EPS8: variants seen among roughly 807,000 people sequenced by gnomAD.
EPS8 encodes the protein EGFR pathway substrate 8, signaling adaptor, also known as epidermal growth factor receptor kinase substrate 8.
In EPS8, 42 loss-of-function variants were observed where a neutral mutation model predicts 103.8. The observed-to-expected ratio is 0.40, with a 90% CI of 0.32 to 0.52. The LOEUF is 0.52. Ranked by LOEUF, EPS8 falls within the 20% of genes least tolerant of loss-of-function variation. The pLI is 0.40. For synonymous variants in EPS8, 344 were observed against 344.6 expected (o/e 1.00, Z 0.02); for missense variants, 969 against 1,005.1 (o/e 0.96, Z 0.49).
chr12:15,758,011 C>T (rs958687258), intron 1 of EPS8, among the ~76,000 whole-genome samples: 1 of 152,166 alleles, frequency 6.6e-6, no homozygotes, highest in African/African-American at 2.4e-5. Context: ...AGCTTGAGAC[C>T]TTAGCTGGAG....
Position 15,631,327 on chromosome 12 carries a change from A to G in EPS8, c.2044+115T>C. 22 of 1,437,968 alleles carry G rather than the reference A, an allele frequency of 1.5e-5. No individual in the cohort carries two copies. In the South Asian group the frequency reaches 2.8e-4, roughly 18 times the overall value. 89.1% of individuals were successfully genotyped at this position (1,437,968 alleles called of 1,614,324 possible). ...AGGTGAAAATCTTTGCAATCTATTA[A>G]GTACCATGCAAGTATAAAGGACTTT... On this transcript the variant is annotated intron_variant, in intron 18 of 20. Transcript: ENST00000281172.
chr12:15,647,179 G>C lies in EPS8; in HGVS notation c.1516C>G (p.Gln506Glu). 1 of 1,613,934 alleles carries C rather than the reference G, an allele frequency of 6.2e-7. No individual in the cohort carries two copies. Among genetic ancestry groups the C allele is most frequent in the African/African-American group, 1.3e-5 (1 of 75,038 alleles). Reference protein sequence around the residue: ...NIYTRGSHLDQGEAAVAFKPT... With the variant: ...NIYTRGSHLDEGEAAVAFKPT... ...TTAAAAGCAACAGCAGCTTCCCCTT[G>C]GTCCAGGTGGGATCCTCTTGTGTAA... Residue 506 changes from glutamine to glutamate, a missense_variant, in exon 15 of 21, where the codon CAA becomes GAA. Coordinates refer to ENST00000281172, the MANE Select transcript of EPS8 (RefSeq NM_004447.6).
At chr12:15,647,401 A>T in intron 14 of EPS8, 141 bp from the exon 15 acceptor site, 1 of 676,016 alleles carries the variant, frequency 1.5e-6, no homozygotes, top group Non-Finnish European at 2.4e-6. Context: ...CACATTATCA[A>T]ATGGGAGTGA....
intron 17 of EPS8, among the ~76,000 whole-genome samples, chr12:15,637,301 G>A (rs571392342): frequency 1.4e-4 from 21 of 152,354 alleles, no homozygotes; most frequent in African/African-American, 3.1e-4. Context: ...GATTACAGGC[G>A]TGAGCCATTG....
Position 15,669,440 on chromosome 12 carries a change from C to T in EPS8, c.463G>A (p.Glu155Lys). Residue 155 changes from glutamate to lysine, a missense_variant, in exon 6 of 21, where the codon GAG (glutamate) becomes AAG (lysine). Transcript: ENST00000281172. ...AGATCTGGCTTGTTCTGGGTTGGCT[C>T]TTTGCACACCAGTGCAAGAACTGAA... is the stretch of plus-strand genomic sequence containing the variant. ...YDSVLALVCKEPTQNKPDLHL... is the reference protein window; with the variant it reads ...YDSVLALVCKKPTQNKPDLHL... 1 of 1,614,002 alleles carries T rather than the reference C, an allele frequency of 6.2e-7. No homozygotes were observed. The highest frequency in any genetic ancestry group is 8.5e-7 in the Non-Finnish European group (1 of 1,179,910).
Position 15,650,818 on chromosome 12 carries a change from A to C in EPS8, c.1434+5T>G, listed in dbSNP as rs767042509. On this transcript the variant is annotated splice_donor_5th_base_variant and intron_variant, in intron 14 of 20. Coordinates refer to ENST00000281172, the MANE Select transcript of EPS8 (RefSeq NM_004447.6). Reference sequence around the variant, plus strand: ...TACAGAGGGCAATGTTAAAAAAAAAACTACCTCTGTGGATAATCTTTTTAT... The same window carrying C: ...TACAGAGGGCAATGTTAAAAAAAAACCTACCTCTGTGGATAATCTTTTTAT... 1.8e-5 allele frequency: 29 copies of C among 1,611,400 alleles called. No homozygotes were observed. The highest frequency in any genetic ancestry group is 2.5e-5 in the Non-Finnish European group (29 of 1,178,562).
At chr12:15,636,506 C>T (rs949293971) in intron 17 of EPS8, among the ~76,000 whole-genome samples, 1 of 152,154 alleles carries the variant, frequency 6.6e-6, no homozygotes, top group Non-Finnish European at 1.5e-5. Flanking sequence ...CACCAGGTGG[C>T]AATTCAACAC....
At position 15,695,649 on chromosome 12, in the gene EPS8, G is replaced by C. The variant is rs1946232853; in HGVS notation, c.-21-12677C>G. Reference sequence around the variant, plus strand: ...AACAGACAGGGTTCCTACCTTCATGGAGCTTACAATCTAGAGGGAGGAGAG... The same window carrying C: ...AACAGACAGGGTTCCTACCTTCATGCAGCTTACAATCTAGAGGGAGGAGAG... On this transcript the variant is annotated intron_variant, in intron 1 of 20. Transcript: ENST00000281172. The surrounding 1 kb of genome is among the most constrained non-coding windows in gnomAD (Gnocchi z 5.0). Among the ~76,000 whole-genome samples the C allele has an allele frequency of 6.6e-6, 1 of 152,196 alleles. No homozygotes were observed. The highest frequency in any genetic ancestry group is 2.4e-5 in the African/African-American group (1 of 41,462).
chr12:15,661,999 T>C (rs1256180228), intron 9 of EPS8, 27 bp downstream of exon 9: 2 of 1,541,382 alleles, frequency 1.3e-6, no homozygotes, highest in Non-Finnish European at 8.9e-7. Flanking sequence ...GAAAAGCCAG[T>C]GATCTAAAGG....
At chr12:15,672,458 C>G (rs1945833603) in intron 3 of EPS8, 1 of 398,354 alleles carries the variant, frequency 2.5e-6, no homozygotes, top group Non-Finnish European at 4.4e-6. Flanking sequence ...TGCTACCTTT[C>G]TTTTTTTGTT....
chr12:15,778,213 C>T lies in EPS8; in HGVS notation c.-22+10948G>A, dbSNP rs916496477. Among the ~76,000 whole-genome samples, 7 of 152,102 alleles carry T rather than the reference C, an allele frequency of 4.6e-5. No homozygotes were observed. The highest frequency in any genetic ancestry group is 1.3e-4 in the Admixed American group (2 of 15,274). ...AAGCAAATCTGAGAATTAATGCACA[C>T]GAAAATCTTCAGAGGGTGATTTTCA... On this transcript the variant is annotated intron_variant, in intron 1 of 20. Coordinates refer to ENST00000281172, the MANE Select transcript of EPS8 (RefSeq NM_004447.6). This position sits in a 1 kb window ranked among gnomAD's most constrained non-coding sequence, Gnocchi z 4.5.
intron 1 of EPS8, among the ~76,000 whole-genome samples, chr12:15,719,682 C>T (rs1404972108): frequency 1.3e-5 from 2 of 152,180 alleles, no homozygotes; most frequent in East Asian, 3.8e-4. Flanking sequence ...GGGCCTTTGG[C>T]TGAAAATTGT....
chr12:15,740,866 C>G (rs1946813887), intron 1 of EPS8, among the ~76,000 whole-genome samples: 1 of 152,168 alleles, frequency 6.6e-6, no homozygotes, highest in Non-Finnish European at 1.5e-5. Context: ...TGTCCACAAC[C>G]ATTAAGTTGA....
At chr12:15,774,682 CATATAAAT>C (rs957040258) in intron 1 of EPS8, among the ~76,000 whole-genome samples, 10 of 146,190 alleles carry the variant, frequency 6.8e-5, no homozygotes, top group East Asian at 3.9e-4. Context: ...ATATTTTAAA[CATATAAAT>C]ATATAAATAT....
Position 15,624,238 on chromosome 12 carries a change from T to A in EPS8, c.2214A>T (p.Gly738=). The stretch of plus-strand genomic sequence containing the variant: ...ACAGAGAGACTCACACAGGGTTGAA[T>A]CCCTTTGACTGTAACCACGTCTTCA... The part of the protein sequence containing the change: ...EDVKTWLQSK[G]FNPVTVNSLG... Residue 738 remains glycine (G), a synonymous_variant, in exon 19 of 21, where the codon GGA becomes GGT. Coordinates refer to ENST00000281172, the MANE Select transcript of EPS8 (RefSeq NM_004447.6). The A allele has an allele frequency of 1.2e-6, 2 of 1,613,314 alleles. No individual in the cohort carries two copies.
chr12:15,678,379 T>G (rs1357230215), intron 3 of EPS8, among the ~76,000 whole-genome samples: 2 of 152,186 alleles, frequency 1.3e-5, no homozygotes, highest in African/African-American at 2.4e-5. Flanking sequence ...AAACCACATC[T>G]GCAATTTAAA....
intron 17 of EPS8, among the ~76,000 whole-genome samples, chr12:15,633,455 G>A (rs1052380967): frequency 1.1e-4 from 17 of 152,248 alleles, no homozygotes; most frequent in African/African-American, 4.1e-4. Context: ...AATGCCATGA[G>A]CCCTGCTTTC....
At position 15,776,055 on chromosome 12, in the gene EPS8, A is replaced by C. The variant is rs1025347789; in HGVS notation, c.-22+13106T>G. ...AAACAAAACTCACCTTCACATACAAAGGGCAGTTCCATATGTATTTTATTA... is the reference window on the plus strand; with the variant it reads ...AAACAAAACTCACCTTCACATACAACGGGCAGTTCCATATGTATTTTATTA... On this transcript the variant is annotated intron_variant, in intron 1 of 20. Transcript: ENST00000281172. This position sits in a 1 kb window ranked among gnomAD's most constrained non-coding sequence, Gnocchi z 4.2. Among the ~76,000 whole-genome samples the C allele has an allele frequency of 2.0e-5, 3 of 152,156 alleles. No individual in the cohort carries two copies. Among genetic ancestry groups the C allele is most frequent in the Non-Finnish European group, 4.4e-5 (3 of 68,016 alleles).
chr12:15,705,322 G>C (rs761990190), intron 1 of EPS8, among the ~76,000 whole-genome samples: 1 of 152,132 alleles, frequency 6.6e-6, no homozygotes, highest in Non-Finnish European at 1.5e-5. Flanking sequence ...TCAATGATTT[G>C]TAATAGATAT....
Sources: allele counts gnomAD v4.1 joint callset (sites outside exome capture counted in the v4.1 genomes callset), GRCh38; gene constraint gnomAD v4.1.1; non-coding constraint Gnocchi (gnomAD v3.1); transcripts MANE v1.5; gene names NCBI Gene and HGNC (gene_info 2026-07-23, HGNC 2026-07-21).